MGAT5B: variants seen among roughly 807,000 people sequenced by gnomAD.
The protein encoded by MGAT5B is alpha-1,6-mannosylglycoprotein 6-beta-N-acetylglucosaminyltransferase B, also known as N-acetylglucosaminyl-transferase Vb.
MGAT5B carries 54 observed loss-of-function variants against 95.1 expected under a neutral mutation model. That is an observed-to-expected ratio of 0.57 (90% confidence interval 0.46 to 0.71). MGAT5B has a LOEUF of 0.71. Among genes scored for constraint, MGAT5B ranks in the 30% least tolerant of loss-of-function variants. The probability of loss-of-function intolerance (pLI) is 0.00; values close to 1 mark genes in which losing one functional copy is unlikely to be tolerated. For missense variants in MGAT5B, 935 were observed against 1,088.6 expected (o/e 0.86, Z 1.99); for synonymous variants, 464 against 451.0 (o/e 1.03, Z -0.36).
At chr17:76,890,892 G>A (rs1158860738) in intron 3 of MGAT5B, among the ~76,000 whole-genome samples, 2 of 151,578 alleles carry the variant, frequency 1.3e-5, no homozygotes, top group Admixed American at 6.6e-5. Context: ...CCTCTTTTGG[G>A]TTATAGATGA....
At position 76,937,982 on chromosome 17, in the gene MGAT5B, T is replaced by A. The variant is rs764153422; in HGVS notation, c.1429-6T>A. The A allele has an allele frequency of 5.0e-6, 8 of 1,612,290 alleles. No individual in the cohort carries two copies. Among genetic ancestry groups the A allele is most frequent in the African/African-American group, 2.7e-5 (2 of 74,912 alleles). ...TGGTTCCCATCTCCTCCTCTTCTTTTTCCAGGGGAAGGAGAAGTTCCTGGG... is the reference window on the plus strand; with the variant it reads ...TGGTTCCCATCTCCTCCTCTTCTTTATCCAGGGGAAGGAGAAGTTCCTGGG... On this transcript the variant is annotated splice_region_variant and splice_polypyrimidine_tract_variant and intron_variant, in intron 12 of 17. Transcript: ENST00000569840.
chr17:76,933,500 A>G (rs1969560876), intron 12 of MGAT5B, among the ~76,000 whole-genome samples: 1 of 152,144 alleles, frequency 6.6e-6, no homozygotes, highest in African/African-American at 2.4e-5. Flanking sequence ...CCTCTGTCAC[A>G]GGGAGGCAAG....
chr17:76,884,073 ATTTAC>A (rs3044662), intron 3 of MGAT5B, among the ~76,000 whole-genome samples: 54,798 of 151,738 alleles, frequency 0.36, 12,213 homozygotes, highest in African/African-American at 0.6. Flanking sequence ...ATTAGCTGAC[ATTTAC>A]TCAAAACACA....
intron 3 of MGAT5B, among the ~76,000 whole-genome samples, chr17:76,885,367 C>T (rs936377395): frequency 2.0e-5 from 3 of 152,186 alleles, no homozygotes; most frequent in African/African-American, 4.8e-5. Context: ...AGCCTCTGTC[C>T]GCAGGCCTGT....
At chr17:76,919,333 G>A (rs1053886308) in intron 8 of MGAT5B, among the ~76,000 whole-genome samples, 8 of 152,224 alleles carry the variant, frequency 5.3e-5, no homozygotes, top group Admixed American at 4.6e-4. Context: ...GGTGGGGAAC[G>A]TGACAGCTGG....
intron 8 of MGAT5B, among the ~76,000 whole-genome samples, chr17:76,919,962 A>G (rs1396918673): frequency 6.6e-6 from 1 of 152,186 alleles, no homozygotes; most frequent in East Asian, 1.9e-4. Flanking sequence ...ATTTGGGCAC[A>G]GTGCAGGGGC....
rs188055254 is a variant in MGAT5B at position 76,916,382 on chromosome 17, T to C, written c.1026-8584T>C. Among the ~76,000 whole-genome samples the C allele has an allele frequency of 6.6e-6, 1 of 152,320 alleles. No individual in the cohort carries two copies. Among genetic ancestry groups the C allele is most frequent in the East Asian group, 1.9e-4 (1 of 5,182 alleles). On this transcript the variant is annotated intron_variant, in intron 8 of 17. Transcript: ENST00000569840. The surrounding 1 kb of genome is among the most constrained non-coding windows in gnomAD (Gnocchi z 5.3). ...GCCGTGCCGTGTCGCCTTTCCCAGC[T>C]CTGGCCTGGCCTGTGTTGGGGAGGG...
At position 76,926,495 on chromosome 17, in the gene MGAT5B, C is replaced by T. The variant is rs1969315609; in HGVS notation, c.1158-102C>T. ...GCTAACACACACTGTGCTACTCTGA[C>T]TCCACCACTGGCTGGTGACAGTGCT... On this transcript the variant is annotated intron_variant, in intron 9 of 17. Transcript: ENST00000569840. The T allele has an allele frequency of 4.2e-6, 5 of 1,190,916 alleles. No homozygotes were observed. The South Asian group carries it at 5.8e-5, about 14-fold the overall frequency. 73.8% of individuals were successfully genotyped at this position (1,190,916 alleles called of 1,614,324 possible). A position where few individuals can be genotyped will look rare whatever the true frequency, so the allele number is the denominator to read the frequency against.
intron 3 of MGAT5B, among the ~76,000 whole-genome samples, chr17:76,885,016 G>A (rs1967571810): frequency 6.6e-6 from 1 of 152,164 alleles, no homozygotes; most frequent in South Asian, 2.1e-4. Context: ...GGGATTATAG[G>A]TGTGAGCCAC....
Position 76,868,834 on chromosome 17 carries a change from G to A in MGAT5B, c.-196G>A. 3.0e-6 allele frequency: 1 copy of A among 335,224 alleles called. No individual in the cohort carries two copies. The allele number at this position is 335,224 out of a possible 1,614,324, so 20.8% of individuals were successfully genotyped here. A position where few individuals can be genotyped will look rare whatever the true frequency, so the allele number is the denominator to read the frequency against. On this transcript the variant is annotated 5_prime_UTR_variant, in exon 1 of 18. Coordinates refer to ENST00000569840, the MANE Select transcript of MGAT5B (RefSeq NM_001199172.2). The surrounding 1 kb of genome is among the most constrained non-coding windows in gnomAD (Gnocchi z 6.3). ...GACGGCCCGGCCGGGCGCCCTCGCC[G>A]CCCTCCGGCAGCCGCGCCGCTCCCT...
intron 12 of MGAT5B, among the ~76,000 whole-genome samples, chr17:76,937,004 GTTT>G (rs11306769): frequency 4.2e-5 from 6 of 142,520 alleles, no homozygotes; most frequent in African/African-American, 1.3e-4. Context: ...GGATTTCAAT[GTTT>G]TTTTTTTTTT....
At position 76,869,848 on chromosome 17, in the gene MGAT5B, G is replaced by A. The variant is rs1046811672; in HGVS notation, c.68+751G>A. On this transcript the variant is annotated intron_variant, in intron 1 of 17. Coordinates refer to ENST00000569840, the MANE Select transcript of MGAT5B (RefSeq NM_001199172.2). This position sits in a 1 kb window ranked among gnomAD's most constrained non-coding sequence, Gnocchi z 7.0. ...AGGCCAGGCAGGGCTGGGGCCGCGC[G>A]GGACTCACTGGACCCAGCCAGGGGC... Among the ~76,000 whole-genome samples the A allele has an allele frequency of 6.6e-6, 1 of 152,066 alleles. No individual in the cohort carries two copies. Among genetic ancestry groups the A allele is most frequent in the Non-Finnish European group, 1.5e-5 (1 of 67,974 alleles).
Position 76,926,710 on chromosome 17 carries a change from A to G in MGAT5B, c.1271A>G (p.Lys424Arg), listed in dbSNP as rs1419694072. 3 of 1,612,730 alleles carry G rather than the reference A, an allele frequency of 1.9e-6. No individual in the cohort carries two copies. Among genetic ancestry groups the G allele is most frequent in the East Asian group, 4.5e-5 (2 of 44,880 alleles). ...TNWGYWNLNPKQFMTMFPHTP... is the reference protein window; with the variant it reads ...TNWGYWNLNPRQFMTMFPHTP... ...TGGGGCTACTGGAACCTCAACCCCA[A>G]GCAGTTCATGACCATGTTTCGTGAG... The change falls in exon 10 of 18, where the codon AAG becomes AGG. Residue 424 changes from lysine (K) to arginine (R), a missense_variant. This residue lies in a region of MGAT5B where 440 missense variants were observed against 523.6 expected (regional missense o/e 0.84). Transcript: ENST00000569840.
At chr17:76,928,413 G>A (rs555159463) in intron 10 of MGAT5B, among the ~76,000 whole-genome samples, 1 of 152,136 alleles carries the variant, frequency 6.6e-6, no homozygotes, top group East Asian at 1.9e-4. Flanking sequence ...TCACTTAGAA[G>A]GGAAGCAGTC....
At chr17:76,920,697 G>C (rs1969098984) in intron 8 of MGAT5B, among the ~76,000 whole-genome samples, 1 of 152,104 alleles carries the variant, frequency 6.6e-6, no homozygotes, top group African/African-American at 2.4e-5. Context: ...GGATGCTGCT[G>C]TCTCCGGGCC....
chr17:76,873,021 G>A, intron 2 of MGAT5B, 58 bp downstream of exon 2: 1 of 1,584,022 alleles, frequency 6.3e-7, no homozygotes, highest in East Asian at 2.2e-5. Flanking sequence ...GGGTCAAAGA[G>A]GAAGTGCCTC....
chr17:76,871,547 G>A (rs1276686926), intron 1 of MGAT5B, among the ~76,000 whole-genome samples: 1 of 152,122 alleles, frequency 6.6e-6, no homozygotes, highest in Non-Finnish European at 1.5e-5. Context: ...ATTTCCTTCT[G>A]CAATTATATG....
intron 8 of MGAT5B, among the ~76,000 whole-genome samples, chr17:76,923,006 T>A (rs1969166977): frequency 6.6e-6 from 1 of 152,184 alleles, no homozygotes; most frequent in Non-Finnish European, 1.5e-5. Flanking sequence ...GAGGCTGACC[T>A]CTGATGGCTT....
intron 3 of MGAT5B, among the ~76,000 whole-genome samples, chr17:76,887,806 C>T (rs1967717090): frequency 6.6e-6 from 1 of 151,936 alleles, no homozygotes. Flanking sequence ...ATCTGCCCGC[C>T]TTGGCCTCCC....
Sources: gnomAD v4.1 joint callset for allele counts (sites outside exome capture counted in the v4.1 genomes callset) on GRCh38, gnomAD v4.1.1 for gene constraint, gnomAD v4.1.1 regional missense constraint, Gnocchi (gnomAD v3.1) non-coding constraint, MANE v1.5 for transcripts, NCBI Gene and HGNC (gene_info 2026-07-23, HGNC 2026-07-21) for gene names.